Variants in FAM13C observed in about 807,000 individuals in gnomAD.
FAM13C encodes family with sequence similarity 13 member C.
FAM13C carries 37 observed loss-of-function variants against 73.2 expected under a neutral mutation model. The ratio of observed to expected loss-of-function variants is 0.51; its 90% confidence interval spans 0.39 to 0.67. The LOEUF (loss-of-function observed/expected upper bound fraction) is 0.67. Among genes scored for constraint, FAM13C ranks in the 30% least tolerant of loss-of-function variants. The probability of loss-of-function intolerance (pLI) is 0.00; values close to 1 mark genes in which losing one functional copy is unlikely to be tolerated. For synonymous variants in FAM13C, 246 were observed against 260.9 expected, an observed-to-expected ratio of 0.94 and a Z score of 0.55; for missense variants, 589 against 715.6, an observed-to-expected ratio of 0.82 and a Z score of 2.02.
At chr10:59,356,055 T>G in intron 1 of FAM13C, 112 bp from the exon 2 acceptor site, 1 of 930,278 alleles carries the variant, frequency 1.1e-6, no homozygotes, top group Non-Finnish European at 1.7e-6. Context: ...GATGAAACAC[T>G]CCCTATCATT....
chr10:59,288,375 C>T (rs943927346), intron 5 of FAM13C, among the ~76,000 whole-genome samples: 5 of 152,150 alleles, frequency 3.3e-5, no homozygotes, highest in East Asian at 1.9e-4. Context: ...CTCCTGTAAT[C>T]CCAGCTACTT....
chr10:59,260,884 A>C (rs528736846), intron 10 of FAM13C, among the ~76,000 whole-genome samples: 19 of 152,274 alleles, frequency 1.2e-4, no homozygotes, highest in African/African-American at 4.3e-4. Context: ...TATTACCTGT[A>C]TTTTACAGAT....
chr10:59,268,766 C>CA, intron 7 of FAM13C, 75 bp from the exon 8 acceptor site: 1 of 1,525,426 alleles, frequency 6.6e-7, no homozygotes, highest in Non-Finnish European at 8.8e-7. Flanking sequence ...ATCTACAAAC[C>CA]AAAATTCCTG....
chr10:59,253,105 G>T, intron 11 of FAM13C, 107 bp from the exon 12 acceptor site: 1 of 1,095,514 alleles, frequency 9.1e-7, no homozygotes, highest in Non-Finnish European at 1.4e-6. Flanking sequence ...AAAACCAGTA[G>T]GTGACCCATG....
At chr10:59,265,674 A>C (rs1842993940) in intron 8 of FAM13C, among the ~76,000 whole-genome samples, 1 of 152,202 alleles carries the variant, frequency 6.6e-6, no homozygotes, top group South Asian at 2.1e-4. Context: ...CTGCAAAAGA[A>C]ATAAGTTTTT....
At chr10:59,311,956 A>G (rs1848977527) in intron 4 of FAM13C, among the ~76,000 whole-genome samples, 1 of 152,152 alleles carries the variant, frequency 6.6e-6, no homozygotes, top group African/African-American at 2.4e-5. Flanking sequence ...ATCCACCTTC[A>G]AGAGGAACCT....
chr10:59,328,922 T>C (rs1026028656), intron 3 of FAM13C, among the ~76,000 whole-genome samples: 4 of 152,198 alleles, frequency 2.6e-5, no homozygotes, highest in African/African-American at 9.6e-5. Flanking sequence ...ATCTACCCTA[T>C]CCTACATCAC....
rs557367679 is a variant in FAM13C at position 59,309,223 on chromosome 10, C to G, written c.444-6359G>C. 3.3e-4 allele frequency among the ~76,000 whole-genome samples: 50 copies of G among 152,168 alleles called. 2 individuals are homozygous for G. In the South Asian group the frequency reaches 0.01, roughly 32 times the overall value. ...CAAATCATGTTTGTGTCTGTCCCCT[C>G]CCCTCTATCTCTACCACTGCCATCT... is the stretch of plus-strand genomic sequence containing the variant. On this transcript the variant is annotated intron_variant, in intron 4 of 13. Transcript: ENST00000618804.
intron 3 of FAM13C, among the ~76,000 whole-genome samples, chr10:59,343,945 A>ATTTCTTTTTTTTTTTCTTT (rs1040659555): frequency 2.7e-5 from 4 of 147,518 alleles, no homozygotes; most frequent in Non-Finnish European, 4.5e-5. Flanking sequence ...TCTATAAACT[A>ATTTCTTTTTTTTTTTCTTT]TTTCTTTTTT....
rs5785374 is a variant in FAM13C at position 59,317,126 on chromosome 10, A to ATGTGTGTGTG, written c.443+6852_443+6861dup. ...GTGTATGTGTATGTCACTATACATA[A>ATGTGTGTGTG]TGTGTGTGTGTGTGTGTGTGTGTGT... On this transcript the variant is annotated intron_variant, in intron 4 of 13. Coordinates refer to ENST00000618804, the MANE Select transcript of FAM13C (RefSeq NM_198215.4). Among the ~76,000 whole-genome samples the ATGTGTGTGTG allele has an allele frequency of 5.4e-5, 8 of 149,212 alleles. No homozygotes were observed. The East Asian group carries it at 6.0e-4, about 11-fold the overall frequency.
In FAM13C at chr10:59,252,962, C is replaced by T. The variant is rs1841542223; in HGVS notation, c.1369G>A (p.Gly457Arg). ...TCTGCCAAAGAAGGTTGTTGGCTTC[C>T]CTGTGGACGGTCTTCATCAGAGTCC... ...EEDSDEDRPQ[G>R]SQQPSLADPA... Residue 457 changes from glycine (G) to arginine (R), a missense_variant, in exon 12 of 14, where the codon GGA (glycine) becomes AGA (arginine). Physicochemically the swap from Gly to Arg is moderately radical, Grantham distance 125. Coordinates refer to ENST00000618804, the MANE Select transcript of FAM13C (RefSeq NM_198215.4). 1 of 1,613,812 alleles carries T rather than the reference C, an allele frequency of 6.2e-7. No homozygotes were observed. Among genetic ancestry groups the T allele is most frequent in the Admixed American group, 1.7e-5 (1 of 59,998 alleles).
chr10:59,283,786 C>A, intron 5 of FAM13C: 1 of 506,478 alleles, frequency 2.0e-6, no homozygotes, highest in South Asian at 3.5e-5. Flanking sequence ...TCTGGAGAAC[C>A]AATCTGAGAA....
At chr10:59,327,449 A>G (rs1179973133) in intron 3 of FAM13C, among the ~76,000 whole-genome samples, 1 of 152,142 alleles carries the variant, frequency 6.6e-6, no homozygotes, top group African/African-American at 2.4e-5. Context: ...TGGTAAGCCC[A>G]TTTCTCTGCT....
chr10:59,321,362 C>A (rs1331731132), intron 4 of FAM13C, among the ~76,000 whole-genome samples: 1 of 147,176 alleles, frequency 6.8e-6, no homozygotes, highest in Non-Finnish European at 1.5e-5. Flanking sequence ...CCTCTGGAAA[C>A]TGGAAAAGGT....
intron 3 of FAM13C, among the ~76,000 whole-genome samples, chr10:59,325,807 G>C (rs1851029982): frequency 6.6e-6 from 1 of 152,080 alleles, no homozygotes; most frequent in African/African-American, 2.4e-5. Context: ...TGAACCTAGT[G>C]CTCAGTTAAT....
chr10:59,265,928 G>A (rs181110801), intron 8 of FAM13C, among the ~76,000 whole-genome samples: 19 of 152,208 alleles, frequency 1.2e-4, no homozygotes, highest in East Asian at 1.9e-4. Flanking sequence ...GACCCCAAAC[G>A]TCATACACAC....
At chr10:59,328,752 A>C (rs1851517260) in intron 3 of FAM13C, among the ~76,000 whole-genome samples, 1 of 152,188 alleles carries the variant, frequency 6.6e-6, no homozygotes, top group Non-Finnish European at 1.5e-5. Flanking sequence ...TTTTAAATTA[A>C]ATGGTTCTGT....
intron 2 of FAM13C, 39 bp downstream of exon 2, chr10:59,355,848 G>T (rs774659624): frequency 1.3e-6 from 2 of 1,597,398 alleles, no homozygotes; most frequent in East Asian, 2.2e-5. Context: ...GATGGCTTCT[G>T]TCTCTCACAA....
intron 8 of FAM13C, among the ~76,000 whole-genome samples, chr10:59,265,784 C>A (rs1006898668): frequency 1.3e-5 from 2 of 152,132 alleles, no homozygotes; most frequent in African/African-American, 2.4e-5. Flanking sequence ...TTTCCCTACC[C>A]TTGAAGAAGC....
Sources: allele counts gnomAD v4.1 joint callset (sites outside exome capture counted in the v4.1 genomes callset), GRCh38; gene constraint gnomAD v4.1.1; transcripts MANE v1.5; gene names NCBI Gene and HGNC (gene_info 2026-07-23, HGNC 2026-07-21).